The following ADAM9 variants were observed in gnomAD, a reference collection of about 807,000 sequenced individuals.
The protein encoded by ADAM9 is ADAM metallopeptidase domain 9, also known as disintegrin and metalloproteinase domain-containing protein 9.
ADAM9 carries 54 observed loss-of-function variants against 108.1 expected under a neutral mutation model. That is an observed-to-expected ratio of 0.50 (90% CI 0.40 to 0.63). The LOEUF is 0.63. ADAM9 is among the 20% of genes least tolerant of loss of function. The probability of loss-of-function intolerance (pLI) is 0.00; values close to 1 mark genes in which losing one functional copy is unlikely to be tolerated. For synonymous variants in ADAM9, 316 were observed against 336.0 expected (o/e 0.94, Z 0.65); for missense variants, 830 against 997.7 (o/e 0.83, Z 2.26).
chr8:39,015,958 A>G, intron 4 of ADAM9, 160 bp from the exon 5 acceptor site: 1 of 683,372 alleles, frequency 1.5e-6, no homozygotes. Flanking sequence ...CAGATGGTCT[A>G]AAGAATGCCA....
intron 11 of ADAM9, among the ~76,000 whole-genome samples, chr8:39,030,136 G>C (rs141172499): frequency 8.6e-4 from 131 of 152,216 alleles, no homozygotes; most frequent in African/African-American, 3.1e-3. Flanking sequence ...TTATGGTTCA[G>C]TCTTGGTGTT....
intron 12 of ADAM9, among the ~76,000 whole-genome samples, chr8:39,052,947 A>G (rs1049397624): frequency 6.6e-6 from 1 of 152,134 alleles, no homozygotes; most frequent in Non-Finnish European, 1.5e-5. Context: ...TTTCATTTCC[A>G]TCCTTAGTGT....
intron 11 of ADAM9, among the ~76,000 whole-genome samples, chr8:39,032,215 A>C (rs923548305): frequency 6.6e-6 from 1 of 152,250 alleles, no homozygotes; most frequent in Admixed American, 6.5e-5. Flanking sequence ...GCTGTCAGAC[A>C]GGGACGTTTA....
At position 39,104,322 on chromosome 8, in the gene ADAM9, G is replaced by GTA. The variant is rs763563862; in HGVS notation, c.*624_*625dup. The GTA allele has an allele frequency of 3.3e-5, 15 of 452,268 alleles. No individual in the cohort carries two copies. Among genetic ancestry groups the GTA allele is most frequent in the African/African-American group, 3.0e-4 (15 of 49,968 alleles). The allele number at this position is 452,268 out of a possible 1,614,324, so 28.0% of individuals were successfully genotyped here. Reference sequence around the variant, plus strand: ...CAAAATATACTAAAAGAGTGTGTGTGTATTCACGCAGTTACTCGCTTCCAT... The same window carrying GTA: ...CAAAATATACTAAAAGAGTGTGTGTGTATATTCACGCAGTTACTCGCTTCCAT... On this transcript the variant is annotated 3_prime_UTR_variant, in exon 22 of 22. Transcript: ENST00000487273.
intron 12 of ADAM9, among the ~76,000 whole-genome samples, chr8:39,047,611 C>T (rs1837814812): frequency 6.6e-6 from 1 of 151,792 alleles, no homozygotes; most frequent in Admixed American, 6.6e-5. Flanking sequence ...TTTTATAATT[C>T]TTTTTATTTA....
At chr8:39,083,540 T>C (rs373238938) in intron 18 of ADAM9, among the ~76,000 whole-genome samples, 2 of 152,232 alleles carry the variant, frequency 1.3e-5, no homozygotes, top group African/African-American at 4.8e-5. Flanking sequence ...TTTCCTGTAC[T>C]AGGCTACTAT....
chr8:39,036,694 G>A (rs911053419), intron 11 of ADAM9, among the ~76,000 whole-genome samples: 1 of 152,164 alleles, frequency 6.6e-6, no homozygotes, highest in Admixed American at 6.5e-5. Context: ...ATAGGTGCCA[G>A]CCAGTGATGG....
intron 12 of ADAM9, among the ~76,000 whole-genome samples, chr8:39,047,456 A>G (rs542716358): frequency 5.9e-4 from 90 of 151,606 alleles, no homozygotes; most frequent in African/African-American, 2.2e-3. Flanking sequence ...GAGGTTTTTG[A>G]TTACTGATTC....
intron 12 of ADAM9, among the ~76,000 whole-genome samples, chr8:39,044,901 C>G (rs1312298263): frequency 2.1e-5 from 3 of 142,358 alleles, no homozygotes; most frequent in Admixed American, 1.4e-4. Flanking sequence ...TATGTGTGTG[C>G]ACACATACAT....
In ADAM9 at chr8:39,090,045, A is replaced by C; in HGVS notation, c.2069-2A>C. 6.2e-7 allele frequency: 1 copy of C among 1,613,806 alleles called. No individual in the cohort carries two copies. The highest frequency in any genetic ancestry group is 8.5e-7 in the Non-Finnish European group (1 of 1,179,866). On this transcript the variant is annotated splice_acceptor_variant, in intron 18 of 21. Transcript: ENST00000487273. LOFTEE classifies it high-confidence loss of function. ...CTGTTGATGTAAAATTCTTCTCTCTAGAAATGAATACTGCATTGAGGGACG... is the reference window on the plus strand; with the variant it reads ...CTGTTGATGTAAAATTCTTCTCTCTCGAAATGAATACTGCATTGAGGGACG...
Position 39,026,786 on chromosome 8 carries a change from G to A in ADAM9, c.1106G>A (p.Ser369Asn), listed in dbSNP as rs1022807364. ...DGRDCSCGAK[S>N]CIMNSGASGS... ...AGAGATTGTTCCTGTGGAGCAAAGA[G>A]CTGCATCATGAATTCAGGAGCATCG... Residue 369 changes from serine to asparagine, a missense_variant, in exon 11 of 22, where the codon AGC becomes AAC. Ser to Asn is a conservative substitution (Grantham distance 46). Transcript: ENST00000487273. The A allele has an allele frequency of 6.2e-7, 1 of 1,612,874 alleles. No individual in the cohort carries two copies.
chr8:39,013,583 G>T (rs1268421284), intron 3 of ADAM9, among the ~76,000 whole-genome samples: 1 of 150,096 alleles, frequency 6.7e-6, no homozygotes, highest in African/African-American at 2.5e-5. Flanking sequence ...GCTCACTGCA[G>T]CCTTGAACTC....
At chr8:39,063,390 C>T (rs1322358616) in intron 14 of ADAM9, among the ~76,000 whole-genome samples, 1 of 152,182 alleles carries the variant, frequency 6.6e-6, no homozygotes, top group African/African-American at 2.4e-5. Context: ...CAGGGTTAGT[C>T]CCCTCAGATG....
At chr8:39,040,856 T>G (rs531883253) in intron 11 of ADAM9, among the ~76,000 whole-genome samples, 1 of 152,176 alleles carries the variant, frequency 6.6e-6, no homozygotes, top group Non-Finnish European at 1.5e-5. Context: ...GAAAGGATAG[T>G]TCTCTTCAAT....
At position 39,067,854 on chromosome 8, in the gene ADAM9, C is replaced by A. The variant is rs1171752729; in HGVS notation, c.1592-3444C>A. On this transcript the variant is annotated intron_variant, in intron 14 of 21. Coordinates refer to ENST00000487273, the MANE Select transcript of ADAM9 (RefSeq NM_003816.3). ...CAGAGGGGATGCTTCCAGTTTTTGC[C>A]CATTCAGTATGATATTGGCTGTGGG... Among the ~76,000 whole-genome samples the A allele has an allele frequency of 5.3e-5, 8 of 152,102 alleles. No individual in the cohort carries two copies. The East Asian group carries it at 1.5e-3, about 29-fold the overall frequency.
At chr8:39,066,274 G>A (rs1301643471) in intron 14 of ADAM9, among the ~76,000 whole-genome samples, 1 of 152,186 alleles carries the variant, frequency 6.6e-6, no homozygotes, top group African/African-American at 2.4e-5. Flanking sequence ...CCCAGTAATG[G>A]GATGGCTGGG....
At chr8:38,997,479 C>T (rs1669007810) in intron 1 of ADAM9, among the ~76,000 whole-genome samples, 1 of 152,210 alleles carries the variant, frequency 6.6e-6, no homozygotes, top group East Asian at 1.9e-4. Flanking sequence ...GAAACCCGCT[C>T]TGGGGCGGGC....
Position 39,021,666 on chromosome 8 carries a change from G to A in ADAM9, c.696G>A (p.Gln232=), listed in dbSNP as rs1836744275. ...AGTATGACATGATGGGAAGAAATCA[G>A]ACTGCTGTGAGAGAAGAGATGATTC... ...KERYDMMGRN[Q]TAVREEMILL... The change falls in exon 8 of 22, where the codon CAG becomes CAA. Residue 232 remains glutamine (Q), a synonymous_variant. Transcript: ENST00000487273. 6.2e-7 allele frequency: 1 copy of A among 1,614,026 alleles called. No individual in the cohort carries two copies. Among genetic ancestry groups the A allele is most frequent in the African/African-American group, 1.3e-5 (1 of 75,038 alleles).
At chr8:39,095,619 A>C (rs957936368) in intron 20 of ADAM9, among the ~76,000 whole-genome samples, 2 of 152,136 alleles carry the variant, frequency 1.3e-5, no homozygotes, top group South Asian at 4.1e-4. Context: ...GTTGGATGGA[A>C]TGTGTCTATT....
Sources: gnomAD v4.1 joint callset for allele counts (sites outside exome capture counted in the v4.1 genomes callset) on GRCh38, gnomAD v4.1.1 for gene constraint, MANE v1.5 for transcripts, NCBI Gene and HGNC (gene_info 2026-07-23, HGNC 2026-07-21) for gene names.